FAM163A: variants seen among roughly 807,000 people sequenced by gnomAD.
FAM163A encodes family with sequence similarity 163 member A, also known as protein FAM163A.
In FAM163A, 7 loss-of-function variants were observed where a neutral mutation model predicts 12.0. That is an observed-to-expected ratio of 0.58 (90% confidence interval 0.33 to 1.10). The LOEUF is 1.10. FAM163A is among the 50% of genes least tolerant of loss of function. FAM163A has a pLI of 0.03. For synonymous variants in FAM163A, 101 were observed against 91.0 expected, an observed-to-expected ratio of 1.11 and a Z score of -0.62; for missense variants, 202 against 218.6, an observed-to-expected ratio of 0.92 and a Z score of 0.48.
chr1:179,794,309 A>C (rs763967656), intron 1 of FAM163A, among the ~76,000 whole-genome samples: 4 of 152,240 alleles, frequency 2.6e-5, no homozygotes, highest in Non-Finnish European at 5.9e-5. Flanking sequence ...AAATACTTGA[A>C]ATGAGTGTGA....
intron 1 of FAM163A, among the ~76,000 whole-genome samples, chr1:179,771,422 CAG>C (rs1446437563): frequency 1.3e-5 from 2 of 152,212 alleles, no homozygotes; most frequent in African/African-American, 2.4e-5. Flanking sequence ...CTCTCCTTTG[CAG>C]AGTTTCCATC....
chr1:179,796,625 C>T (rs1174116934), intron 1 of FAM163A, among the ~76,000 whole-genome samples: 2 of 152,186 alleles, frequency 1.3e-5, no homozygotes, highest in South Asian at 2.1e-4. Context: ...TCCCCCTCTT[C>T]TCTCATTGTC....
chr1:179,751,896 G>T (rs539215649), intron 1 of FAM163A, among the ~76,000 whole-genome samples: 16 of 152,188 alleles, frequency 1.1e-4, no homozygotes, highest in African/African-American at 3.9e-4. Flanking sequence ...AAAGTGATTG[G>T]CAGATACAAT....
At chr1:179,778,563 T>C (rs1174681947) in intron 1 of FAM163A, among the ~76,000 whole-genome samples, 3 of 152,042 alleles carry the variant, frequency 2.0e-5, no homozygotes, top group Non-Finnish European at 4.4e-5. Context: ...TTACAGACCA[T>C]GGGACCTGAA....
intron 1 of FAM163A, among the ~76,000 whole-genome samples, chr1:179,773,124 G>A (rs746698376): frequency 2.6e-5 from 4 of 151,270 alleles, no homozygotes; most frequent in Admixed American, 6.6e-5. Flanking sequence ...TTTACATATA[G>A]CACTGTATGA....
the FAM163A span, among the ~76,000 whole-genome samples, chr1:179,737,287 A>T: frequency 6.6e-5 from 10 of 152,268 alleles, no homozygotes; most frequent in African/African-American, 2.2e-4. Context: ...TTCCACTTAC[A>T]TAAGGTATCT....
At chr1:179,743,746 C>T (rs1314770896) in intron 1 of FAM163A, among the ~76,000 whole-genome samples, 1 of 152,140 alleles carries the variant, frequency 6.6e-6, no homozygotes, top group African/African-American at 2.4e-5. Flanking sequence ...TGGCGGTGCT[C>T]GCGCCTCGGG....
chr1:179,792,166 C>T (rs1691597910), intron 1 of FAM163A, among the ~76,000 whole-genome samples: 1 of 152,174 alleles, frequency 6.6e-6, no homozygotes, highest in Non-Finnish European at 1.5e-5. Flanking sequence ...GTTGCCTCAG[C>T]TAGAGTGCAG....
At chr1:179,799,898 C>G (rs1027170258) in intron 1 of FAM163A, among the ~76,000 whole-genome samples, 1 of 152,164 alleles carries the variant, frequency 6.6e-6, no homozygotes, top group African/African-American at 2.4e-5. Context: ...AACTGAGGTT[C>G]TCAGGAAGAG....
At chr1:179,767,155 G>A (rs764685753) in intron 1 of FAM163A, among the ~76,000 whole-genome samples, 9 of 152,004 alleles carry the variant, frequency 5.9e-5, no homozygotes, top group Admixed American at 1.3e-4. Context: ...CAATATGACC[G>A]TCTAGTACAG....
intron 1 of FAM163A, among the ~76,000 whole-genome samples, chr1:179,776,272 T>G (rs1688953899): frequency 6.6e-6 from 1 of 151,952 alleles, no homozygotes; most frequent in Non-Finnish European, 1.5e-5. Context: ...CGAGGTGAGC[T>G]GATCATTTGA....
chr1:179,773,905 CAG>C (rs1381477436), intron 1 of FAM163A, among the ~76,000 whole-genome samples: 1 of 152,198 alleles, frequency 6.6e-6, no homozygotes, highest in African/African-American at 2.4e-5. Context: ...GCCCACTAAA[CAG>C]AGAATGAAAA....
intron 1 of FAM163A, among the ~76,000 whole-genome samples, chr1:179,796,290 AGT>A (rs1692309334): frequency 6.6e-6 from 1 of 152,104 alleles, no homozygotes; most frequent in Admixed American, 6.6e-5. Flanking sequence ...TCTTTGGACA[AGT>A]CATTCTCATT....
rs1372526664 is a variant in FAM163A at position 179,813,087 on chromosome 1, G to A, written c.-11G>A. Reference sequence around the variant, plus strand: ...GCACATCTTTGCAGAGTTTGATGGGGCGCCGGGCGGATGACAGCGGGAACG... The same window carrying A: ...GCACATCTTTGCAGAGTTTGATGGGACGCCGGGCGGATGACAGCGGGAACG... On this transcript the variant is annotated 5_prime_UTR_variant, in exon 4 of 5. Transcript: ENST00000341785. The A allele has an allele frequency of 6.4e-7, 1 of 1,551,664 alleles. No individual in the cohort carries two copies. The highest frequency in any genetic ancestry group is 8.7e-7 in the Non-Finnish European group (1 of 1,146,954).
At chr1:179,772,987 A>C (rs1484433691) in intron 1 of FAM163A, among the ~76,000 whole-genome samples, 1 of 149,846 alleles carries the variant, frequency 6.7e-6, no homozygotes, top group Non-Finnish European at 1.5e-5. Context: ...CCCAAATAAC[A>C]CTTCCACTTA....
At chr1:179,732,880 CAAAAAAAAAAAAA>C in the FAM163A span, among the ~76,000 whole-genome samples, 7 of 39,132 alleles carry the variant, frequency 1.8e-4, no homozygotes, top group Admixed American at 4.2e-4. Context: ...GACTCTGCCT[CAAAAAAAAAAAAA>C]AAAAAAAAAA....
At chr1:179,800,005 G>A (rs947333244) in intron 1 of FAM163A, among the ~76,000 whole-genome samples, 1 of 152,214 alleles carries the variant, frequency 6.6e-6, no homozygotes, top group African/African-American at 2.4e-5. Context: ...CAGTGTGGGG[G>A]ATGGTGGCAA....
chr1:179,794,818 T>C (rs1274317019), intron 1 of FAM163A, among the ~76,000 whole-genome samples: 1 of 152,104 alleles, frequency 6.6e-6, no homozygotes, highest in Non-Finnish European at 1.5e-5. Flanking sequence ...GAGGAAATGC[T>C]GAAGGGGAGG....
In FAM163A at chr1:179,813,128, G is replaced by C; in HGVS notation, c.31G>C (p.Gly11Arg). 6.4e-7 allele frequency: 1 copy of C among 1,551,932 alleles called. No individual in the cohort carries two copies. Among genetic ancestry groups the C allele is most frequent in the Non-Finnish European group, 8.7e-7 (1 of 1,147,070 alleles). Residue 11 changes from glycine (G) to arginine (R), a missense_variant, in exon 4 of 5, where the codon GGA (glycine) becomes CGA (arginine). By Grantham distance (125) the Gly-to-Arg change is moderately radical. Coordinates refer to ENST00000341785, the MANE Select transcript of FAM163A (RefSeq NM_173509.3). ...AGCGGGAACGGTTGTGATCACTGGC[G>C]GAATCCTAGCTACGGTGATCCTCCT... MTAGTVVITGGILATVILLCI... is the reference protein window; with the variant it reads MTAGTVVITGRILATVILLCI...
Sources: allele counts gnomAD v4.1 joint callset (sites outside exome capture counted in the v4.1 genomes callset), GRCh38; gene constraint gnomAD v4.1.1; transcripts MANE v1.5; gene names NCBI Gene and HGNC (gene_info 2026-07-23, HGNC 2026-07-21).